DENND4A: variants seen among roughly 807,000 people sequenced by gnomAD.
DENND4A encodes DENN domain containing 4A, also known as C-myc promoter-binding protein.
Under a neutral mutation model 199.3 loss-of-function variants are expected in DENND4A, and 70 were observed. The ratio of observed to expected loss-of-function variants is 0.35; its 90% CI spans 0.29 to 0.43. The LOEUF is 0.43. Among genes scored for constraint, DENND4A ranks in the 20% least tolerant of loss-of-function variants. DENND4A has a pLI of 1.00. For synonymous variants in DENND4A, 686 were observed against 766.9 expected, an observed-to-expected ratio of 0.89 and a Z score of 1.74; for missense variants, 1,723 against 2,255.8, an observed-to-expected ratio of 0.76 and a Z score of 4.78.
chr15:65,707,440 T>G (rs1434891702), intron 14 of DENND4A, among the ~76,000 whole-genome samples: 2 of 151,926 alleles, frequency 1.3e-5, no homozygotes, highest in Non-Finnish European at 2.9e-5. Flanking sequence ...CAGAGATGAG[T>G]TTTAAAAATT....
chr15:65,685,131 A>ATT (rs755319285), intron 23 of DENND4A, among the ~76,000 whole-genome samples: 25 of 136,456 alleles, frequency 1.8e-4, no homozygotes, highest in African/African-American at 6.2e-4. Context: ...CCCGCCCACA[A>ATT]TTTTTTTTTT....
intron 20 of DENND4A, 144 bp from the exon 21 acceptor site, chr15:65,697,527 T>C: frequency 1.7e-6 from 1 of 590,212 alleles, no homozygotes; most frequent in South Asian, 2.1e-5. Flanking sequence ...TTTTGTTAGC[T>C]ACCCTTAAAG....
intron 1 of DENND4A, among the ~76,000 whole-genome samples, chr15:65,767,641 T>C (rs376474460): frequency 3.0e-4 from 46 of 152,238 alleles, no homozygotes; most frequent in African/African-American, 1.1e-3. Flanking sequence ...ACTGATACCA[T>C]TATCGAGTAC....
intron 24 of DENND4A, among the ~76,000 whole-genome samples, chr15:65,676,141 A>AAAATATATATATATATATATATATAT (rs1362535499): frequency 9.1e-6 from 1 of 110,456 alleles, no homozygotes; most frequent in Non-Finnish European, 1.9e-5. Context: ...AATAAGGAAA[A>AAAATATATATATATATATATATATAT]ATATATATAT....
intron 29 of DENND4A, among the ~76,000 whole-genome samples, chr15:65,665,902 C>T (rs1377225042): frequency 6.6e-6 from 1 of 152,186 alleles, no homozygotes; most frequent in Non-Finnish European, 1.5e-5. Context: ...GGCAAGGTTC[C>T]TGAACTTAGA....
intron 23 of DENND4A, chr15:65,681,072 GCTGT>G (rs1415673803): frequency 3.3e-5 from 5 of 152,152 alleles, no homozygotes; most frequent in African/African-American, 1.2e-4. Flanking sequence ...AGCATGTGAT[GCTGT>G]CTGACAACTT....
intron 23 of DENND4A, among the ~76,000 whole-genome samples, chr15:65,687,704 A>T (rs977937971): frequency 6.6e-6 from 1 of 152,176 alleles, no homozygotes; most frequent in African/African-American, 2.4e-5. Context: ...TCTTCCAAGG[A>T]TTGTGATGAA....
intron 4 of DENND4A, among the ~76,000 whole-genome samples, chr15:65,742,292 CT>C (rs557881016): frequency 2.0e-5 from 3 of 149,690 alleles, no homozygotes; most frequent in African/African-American, 2.4e-5. Flanking sequence ...ACTTTCAAAT[CT>C]TTTTTTTTTA....
At chr15:65,739,483 C>T (rs1276108308) in intron 5 of DENND4A, among the ~76,000 whole-genome samples, 2 of 152,086 alleles carry the variant, frequency 1.3e-5, no homozygotes, top group African/African-American at 2.4e-5. Flanking sequence ...ATTAGGAAAA[C>T]GGTCCAGGCA....
chr15:65,676,573 G>A lies in DENND4A; in HGVS notation c.4241C>T (p.Ser1414Phe). 2.5e-6 allele frequency: 4 copies of A among 1,613,602 alleles called. No individual in the cohort carries two copies. The highest frequency in any genetic ancestry group is 3.4e-6 in the Non-Finnish European group (4 of 1,179,718). The change falls in exon 24 of 33, where the codon TCT becomes TTT. Residue 1414 changes from serine to phenylalanine, a missense_variant. Ser to Phe is a radical substitution (Grantham distance 155). Around this residue, in one of 6 missense-constraint regions of DENND4A, gnomAD observed 650 missense variants for 738.1 expected, o/e 0.88. Transcript: ENST00000443035. ...ATGGCAGACATCTTCATCTGTTAAAGAGGTAGATTCAGAATCCTGGGCTCC... is the reference window on the plus strand; with the variant it reads ...ATGGCAGACATCTTCATCTGTTAAAAAGGTAGATTCAGAATCCTGGGCTCC... ...SVGAQDSEST[S>F]LTDEDVCHEL... is the part of the protein sequence containing the mutation.
At chr15:65,679,693 G>C (rs2076505684) in intron 23 of DENND4A, among the ~76,000 whole-genome samples, 2 of 151,620 alleles carry the variant, frequency 1.3e-5, no homozygotes, top group South Asian at 4.2e-4. Flanking sequence ...ACCACACCTG[G>C]CTAATTTTTT....
rs889608532 is a variant in DENND4A, at chr15:65,672,510, A to G, written c.4370-624T>C. 1.9e-4 allele frequency among the ~76,000 whole-genome samples: 29 copies of G among 152,200 alleles called. 1 individual carries two copies. Among genetic ancestry groups the G allele is most frequent in the African/African-American group, 7.0e-4 (29 of 41,526 alleles). On this transcript the variant is annotated intron_variant, in intron 24 of 32. Transcript: ENST00000443035. ...GCTGGACGTGGTGGTGTGTGCTTAT[A>G]GTCACAGCTACTTGGGAGACTGGGG...
intron 13 of DENND4A, among the ~76,000 whole-genome samples, chr15:65,715,907 C>T (rs2140258552): frequency 2.0e-5 from 3 of 152,174 alleles, no homozygotes; most frequent in Middle Eastern, 6.8e-3. Flanking sequence ...CTCTTTTCCC[C>T]TAAAAGCTTT....
At chr15:65,732,460 C>T (rs764151154) in intron 8 of DENND4A, among the ~76,000 whole-genome samples, 7 of 152,136 alleles carry the variant, frequency 4.6e-5, no homozygotes, top group Non-Finnish European at 1.0e-4. Flanking sequence ...AAGGCACAAA[C>T]TTTCAAATAC....
chr15:65,694,574 C>T (rs2142105876), intron 22 of DENND4A, among the ~76,000 whole-genome samples: 1 of 152,224 alleles, frequency 6.6e-6, no homozygotes, highest in Non-Finnish European at 1.5e-5. Context: ...CACACAAACA[C>T]ACAAGGGTGT....
At position 65,778,931 on chromosome 15, in the gene DENND4A, AGAG is replaced by A. The variant is rs111385811; in HGVS notation, c.-102+13076_-102+13078del. ...AAAAAGGCTATGTTGCTTTCAGCTC[AGAG>A]GAGGCCAACATGCAATTAAATACTG... On this transcript the variant is annotated intron_variant, in intron 1 of 32. Transcript: ENST00000443035. 3.5e-3 allele frequency among the ~76,000 whole-genome samples: 530 copies of A among 150,808 alleles called. 4 individuals carry two copies. The highest frequency in any genetic ancestry group is 0.012 in the African/African-American group (490 of 41,086).
chr15:65,750,274 C>G (rs151317703), intron 4 of DENND4A, among the ~76,000 whole-genome samples: 92 of 152,122 alleles, frequency 6.0e-4, no homozygotes, highest in African/African-American at 2.1e-3. Context: ...TAAGTGAGAG[C>G]TAAATATTGG....
At chr15:65,708,636 G>A (rs1422297823) in intron 14 of DENND4A, among the ~76,000 whole-genome samples, 1 of 151,842 alleles carries the variant, frequency 6.6e-6, no homozygotes, top group Non-Finnish European at 1.5e-5. Context: ...TCTATCGAGA[G>A]AAAAAGAAAT....
intron 3 of DENND4A, among the ~76,000 whole-genome samples, chr15:65,755,854 A>G (rs2076687806): frequency 6.6e-6 from 1 of 152,206 alleles, no homozygotes. Flanking sequence ...AAATTTTCCA[A>G]TCAGGATAAC....
Sources: allele counts gnomAD v4.1 joint callset (sites outside exome capture counted in the v4.1 genomes callset), GRCh38; gene constraint gnomAD v4.1.1; regional missense constraint gnomAD v4.1.1; transcripts MANE v1.5; gene names NCBI Gene and HGNC (gene_info 2026-07-23, HGNC 2026-07-21).